The following MAP3K2 variants were observed in gnomAD, a reference collection of about 807,000 sequenced individuals.
The protein encoded by MAP3K2 is mitogen-activated protein kinase kinase kinase 2.
MAP3K2 carries 24 observed loss-of-function variants against 80.3 expected under a neutral mutation model. That is an observed-to-expected ratio of 0.30 (90% CI 0.22 to 0.42). MAP3K2 has a LOEUF of 0.42. MAP3K2 is among the 10% of genes least tolerant of loss of function. The pLI is 1.00. For synonymous variants in MAP3K2, 244 were observed against 253.7 expected (o/e 0.96, Z 0.36); for missense variants, 608 against 750.1 (o/e 0.81, Z 2.21).
intron 14 of MAP3K2, chr2:127,317,089 G>A (rs1685923080): frequency 6.9e-6 from 1 of 144,750 alleles, no homozygotes. Flanking sequence ...TCCTGAGAGT[G>A]AAGACTCTTA....
chr2:127,362,822 G>A (rs192635696), intron 1 of MAP3K2, among the ~76,000 whole-genome samples: 2 of 152,318 alleles, frequency 1.3e-5, no homozygotes, highest in Admixed American at 1.3e-4. Flanking sequence ...TACCAGAGCA[G>A]AGTGAACATT....
chr2:127,314,524 T>G (rs951299746), intron 15 of MAP3K2, among the ~76,000 whole-genome samples: 2 of 152,188 alleles, frequency 1.3e-5, no homozygotes, highest in Admixed American at 1.3e-4. Context: ...ACTTGTATGG[T>G]CTCTTAAACT....
At chr2:127,362,672 C>T (rs1686911651) in intron 1 of MAP3K2, among the ~76,000 whole-genome samples, 1 of 152,146 alleles carries the variant, frequency 6.6e-6, no homozygotes, top group Admixed American at 6.6e-5. Context: ...TTACCAAAAA[C>T]ATCACTCAAC....
At chr2:127,338,905 TA>T in intron 3 of MAP3K2, 26 bp downstream of exon 3, 9 of 1,439,120 alleles carry the variant, frequency 6.3e-6, no homozygotes, top group Non-Finnish European at 8.6e-6. Context: ...AAGTAATTCA[TA>T]AAAAAATACT....
intron 5 of MAP3K2, among the ~76,000 whole-genome samples, chr2:127,332,228 TC>T (rs761623278): frequency 6.6e-6 from 1 of 152,196 alleles, no homozygotes; most frequent in Non-Finnish European, 1.5e-5. Flanking sequence ...TCTTCAATAG[TC>T]TATTACTTTT....
At position 127,387,948 on chromosome 2, in the gene MAP3K2, C is replaced by G. The variant is rs1186395042; in HGVS notation, c.-562G>C. 4 of 984,590 alleles carry G rather than the reference C, an allele frequency of 4.1e-6. No individual in the cohort carries two copies. In the African/African-American group the frequency reaches 5.3e-5, roughly 13 times the overall value. The allele number at this position is 984,590 out of a possible 1,614,324, so 61.0% of individuals were successfully genotyped here. A position where few individuals can be genotyped will look rare whatever the true frequency, so the allele number is the denominator to read the frequency against. On this transcript the variant is annotated 5_prime_UTR_variant, in exon 1 of 17. Transcript: ENST00000682094. ...GCGCCGCCGCTGAGGGCAGGCAGCCCGGCAGCCACTACACACGGACCCGTG... is the reference window on the plus strand; with the variant it reads ...GCGCCGCCGCTGAGGGCAGGCAGCCGGGCAGCCACTACACACGGACCCGTG...
intron 1 of MAP3K2, among the ~76,000 whole-genome samples, chr2:127,345,050 G>A (rs1248649219): frequency 6.6e-6 from 1 of 152,120 alleles, no homozygotes. Context: ...AAAAGATTTT[G>A]TACAGATTAC....
intron 8 of MAP3K2, 27 bp from the exon 9 acceptor site, chr2:127,325,834 A>G: frequency 1.3e-6 from 2 of 1,503,080 alleles, no homozygotes; most frequent in Non-Finnish European, 1.8e-6. Context: ...TTCCACCATG[A>G]TTCAATTTGA....
rs1686044196 is a variant in MAP3K2 at position 127,322,470 on chromosome 2, C to A, written c.839-218G>T. Among the ~76,000 whole-genome samples the A allele has an allele frequency of 6.6e-6, 1 of 152,072 alleles. No homozygotes were observed. Among genetic ancestry groups the A allele is most frequent in the Non-Finnish European group, 1.5e-5 (1 of 68,002 alleles). On this transcript the variant is annotated intron_variant, in intron 11 of 16. Coordinates refer to ENST00000682094, the MANE Select transcript of MAP3K2 (RefSeq NM_001371910.2). This position sits in a 1 kb window ranked among gnomAD's most constrained non-coding sequence, Gnocchi z 4.2. Reference sequence around the variant, plus strand: ...GTATGAGTGTGCACACAGAAACATACACACACACATCTTAAAAAGGAACCT... The same window carrying A: ...GTATGAGTGTGCACACAGAAACATAAACACACACATCTTAAAAAGGAACCT...
chr2:127,349,297 A>G (rs907635719), intron 1 of MAP3K2, among the ~76,000 whole-genome samples: 1 of 151,980 alleles, frequency 6.6e-6, no homozygotes, highest in Non-Finnish European at 1.5e-5. Flanking sequence ...AGTAGCTGGG[A>G]CTACAGGTAC....
Position 127,301,793 on chromosome 2 carries a change from C to G in MAP3K2, c.*5786G>C, listed in dbSNP as rs1226599912. The G allele has an allele frequency of 3.9e-5, 6 of 152,174 alleles. No individual in the cohort carries two copies. The highest frequency in any genetic ancestry group is 1.2e-4 in the African/African-American group (5 of 41,446). The allele number at this position is 152,174 out of a possible 1,614,324, so 9.4% of individuals were successfully genotyped here. A position where few individuals can be genotyped will look rare whatever the true frequency, so the allele number is the denominator to read the frequency against. On this transcript the variant is annotated 3_prime_UTR_variant, in exon 17 of 17. Transcript: ENST00000682094. ...TTTACTGTAGCTATGACTCCTCCCTCATCTTTCTGAAGCTCAACCTTGAAT... is the reference window on the plus strand; with the variant it reads ...TTTACTGTAGCTATGACTCCTCCCTGATCTTTCTGAAGCTCAACCTTGAAT...
At position 127,339,115 on chromosome 2, in the gene MAP3K2, G is replaced by A; in HGVS notation, c.5-65C>T. 2.2e-6 allele frequency: 2 copies of A among 912,588 alleles called. No homozygotes were observed. 56.5% of individuals were successfully genotyped at this position (912,588 alleles called of 1,614,324 possible). ...TGTGACATATATATCAACATGTATA[G>A]ACATCAAACACAAAATTTAAAATAA... On this transcript the variant is annotated intron_variant, in intron 2 of 16. Coordinates refer to ENST00000682094, the MANE Select transcript of MAP3K2 (RefSeq NM_001371910.2). This position sits in a 1 kb window ranked among gnomAD's most constrained non-coding sequence, Gnocchi z 4.2.
chr2:127,378,520 A>G lies in MAP3K2; in HGVS notation c.-66+8932T>C, dbSNP rs144477645. 2.3e-3 allele frequency among the ~76,000 whole-genome samples: 355 copies of G among 152,316 alleles called. 1 individual carries two copies. The highest frequency in any genetic ancestry group is 7.7e-3 in the African/African-American group (322 of 41,570). The stretch of plus-strand genomic sequence containing the variant: ...TTTATAATTTACAGTTTGTAACATA[A>G]TTTTTTATGATAAAATAACATTCAG... On this transcript the variant is annotated intron_variant, in intron 1 of 16. Transcript: ENST00000682094.
intron 2 of MAP3K2, among the ~76,000 whole-genome samples, chr2:127,340,471 A>T (rs1401830796): frequency 6.6e-6 from 1 of 152,154 alleles, no homozygotes; most frequent in African/African-American, 2.4e-5. Context: ...AGTCTGGCCG[A>T]TATGGTGAAA....
chr2:127,330,641 G>A, intron 5 of MAP3K2, 136 bp from the exon 6 acceptor site: 1 of 513,386 alleles, frequency 1.9e-6, no homozygotes, highest in South Asian at 3.3e-5. Flanking sequence ...GTCTGAATGT[G>A]TATGTGTATA....
intron 1 of MAP3K2, among the ~76,000 whole-genome samples, chr2:127,362,987 G>A (rs559296718): frequency 7.0e-4 from 106 of 152,128 alleles, no homozygotes; most frequent in African/African-American, 2.5e-3. Context: ...TTAAAATAAT[G>A]CAACAATAAA....
intron 7 of MAP3K2, among the ~76,000 whole-genome samples, chr2:127,329,707 T>A (rs1345896664): frequency 6.6e-6 from 1 of 152,182 alleles, no homozygotes; most frequent in Non-Finnish European, 1.5e-5. Flanking sequence ...ATACCCTGAG[T>A]ATATAAATAA....
chr2:127,337,103 T>C (rs1386196493), intron 4 of MAP3K2, among the ~76,000 whole-genome samples: 15 of 152,042 alleles, frequency 9.9e-5, no homozygotes, highest in African/African-American at 2.9e-4. Context: ...AATCACGCCA[T>C]TGCACTCCAG....
intron 12 of MAP3K2, among the ~76,000 whole-genome samples, chr2:127,320,838 G>A (rs558883742): frequency 6.6e-6 from 1 of 152,296 alleles, no homozygotes; most frequent in East Asian, 1.9e-4. Context: ...TGCTAGAAAG[G>A]CCAGGTGCAG....
Sources: gnomAD v4.1 joint callset for allele counts (sites outside exome capture counted in the v4.1 genomes callset) on GRCh38, gnomAD v4.1.1 for gene constraint, Gnocchi (gnomAD v3.1) non-coding constraint, MANE v1.5 for transcripts, NCBI Gene and HGNC (gene_info 2026-07-23, HGNC 2026-07-21) for gene names.